HSD17B4: variants seen among roughly 807,000 people sequenced by gnomAD.
HSD17B4 encodes the protein peroxisomal multifunctional enzyme type 2.
Under a neutral mutation model 101.0 loss-of-function variants are expected in HSD17B4, and 70 were observed. The observed-to-expected ratio is 0.69, with a 90% CI of 0.57 to 0.85. The LOEUF (loss-of-function observed/expected upper bound fraction) is 0.85, where lower values mean the gene tolerates loss of function less well. HSD17B4 is among the 40% of genes least tolerant of loss of function. The pLI is 0.00. For synonymous variants in HSD17B4, 347 were observed against 297.1 expected (o/e 1.17, Z -1.73); for missense variants, 984 against 892.4 (o/e 1.10, Z -1.31).
chr5:119,518,262 G>A (rs1388345292), intron 17 of HSD17B4, among the ~76,000 whole-genome samples: 11 of 151,962 alleles, frequency 7.2e-5, no homozygotes, highest in Non-Finnish European at 5.9e-5. Context: ...TGCCTTAAGA[G>A]CTGTAACACT....
chr5:119,499,021 G>T (rs948240241), intron 12 of HSD17B4, among the ~76,000 whole-genome samples: 4 of 151,954 alleles, frequency 2.6e-5, no homozygotes, highest in Non-Finnish European at 5.9e-5. Flanking sequence ...ATTATTTTTT[G>T]GATTTTTGGG....
intron 16 of HSD17B4, among the ~76,000 whole-genome samples, chr5:119,512,547 T>C (rs1752270654): frequency 1.3e-5 from 2 of 151,846 alleles, no homozygotes; most frequent in Non-Finnish European, 2.9e-5. Flanking sequence ...GGCTAATGTA[T>C]TCAGAGTGCT....
chr5:119,506,705 T>C, intron 14 of HSD17B4, 113 bp from the exon 15 acceptor site: 1 of 623,234 alleles, frequency 1.6e-6, no homozygotes, highest in Non-Finnish European at 2.9e-6. Flanking sequence ...TTTCAAACCA[T>C]AGTTTTTTAG....
chr5:119,485,348 G>C (rs1354638581), intron 8 of HSD17B4, among the ~76,000 whole-genome samples: 1 of 152,144 alleles, frequency 6.6e-6, no homozygotes, highest in East Asian at 1.9e-4. Context: ...TTAGGTAAAT[G>C]TTTAATCCTT....
At chr5:119,539,674 T>G (rs1186471873) in intron 23 of HSD17B4, among the ~76,000 whole-genome samples, 2 of 151,918 alleles carry the variant, frequency 1.3e-5, no homozygotes, top group East Asian at 3.9e-4. Flanking sequence ...AGAAAAAAAT[T>G]TTTCCCAGTA....
At chr5:119,502,266 C>T (rs1751240512) in intron 14 of HSD17B4, among the ~76,000 whole-genome samples, 174 bp downstream of exon 14, 1 of 152,100 alleles carries the variant, frequency 6.6e-6, no homozygotes. Context: ...CTGTTTTGGT[C>T]ACCTTAAGCT....
Position 119,489,174 on chromosome 5 carries a change from G to A in HSD17B4, c.623-18G>A, listed in dbSNP as rs770493447. ...AAGTAAAATGATTGATAAGATATGT[G>A]TATATTCTTTATTTCAGATCTTGTG... On this transcript the variant is annotated intron_variant, in intron 8 of 23. Transcript: ENST00000510025. The A allele has an allele frequency of 4.8e-6, 7 of 1,461,554 alleles. No individual in the cohort carries two copies. Among genetic ancestry groups the A allele is most frequent in the African/African-American group, 1.4e-5 (1 of 71,768 alleles). 90.5% of individuals were successfully genotyped at this position (1,461,554 alleles called of 1,614,324 possible).
At chr5:119,535,013 A>AT (rs1348527685) in intron 22 of HSD17B4, among the ~76,000 whole-genome samples, 8 of 152,212 alleles carry the variant, frequency 5.3e-5, no homozygotes, top group Admixed American at 3.9e-4. Flanking sequence ...AGTTGCAAAA[A>AT]TACTAGAGAA....
chr5:119,518,825 G>C (rs1295052195), intron 17 of HSD17B4, among the ~76,000 whole-genome samples: 2 of 152,124 alleles, frequency 1.3e-5, no homozygotes, highest in Admixed American at 1.3e-4. Flanking sequence ...CTTCAGGAGA[G>C]TTTCTTCATC....
intron 12 of HSD17B4, among the ~76,000 whole-genome samples, chr5:119,496,897 G>A (rs1750697787): frequency 1.3e-5 from 2 of 152,218 alleles, no homozygotes; most frequent in African/African-American, 4.8e-5. Context: ...GGACAGTTGA[G>A]CCACATGAAG....
At chr5:119,461,475 C>T (rs546845449) in intron 2 of HSD17B4, among the ~76,000 whole-genome samples, 2 of 152,282 alleles carry the variant, frequency 1.3e-5, no homozygotes, top group African/African-American at 2.4e-5. Context: ...TTCTCACAAA[C>T]ACGTGGTTCT....
At chr5:119,454,124 T>C (rs1421288211) in intron 1 of HSD17B4, among the ~76,000 whole-genome samples, 10 of 152,196 alleles carry the variant, frequency 6.6e-5, no homozygotes, top group Admixed American at 2.0e-4. Context: ...GTTCATGATA[T>C]AGTGTGTAGT....
At chr5:119,453,040 G>T (rs1213243626) in intron 1 of HSD17B4, among the ~76,000 whole-genome samples, 1 of 152,224 alleles carries the variant, frequency 6.6e-6, no homozygotes, top group Non-Finnish European at 1.5e-5. Flanking sequence ...GCTGGAATTC[G>T]CCCCCTGAAG....
chr5:119,490,501 G>A (rs1357732759), intron 9 of HSD17B4, among the ~76,000 whole-genome samples: 3 of 152,102 alleles, frequency 2.0e-5, no homozygotes, highest in Non-Finnish European at 4.4e-5. Context: ...ACTATCCAGA[G>A]AGAACTAGTA....
intron 1 of HSD17B4, among the ~76,000 whole-genome samples, chr5:119,454,847 C>G (rs1442514644): frequency 6.6e-6 from 1 of 152,074 alleles, no homozygotes; most frequent in Non-Finnish European, 1.5e-5. Context: ...GTCTTGAACT[C>G]CAGACCTCAA....
intron 22 of HSD17B4, chr5:119,536,150 T>C (rs1754514272): frequency 2.5e-6 from 1 of 405,990 alleles, no homozygotes; most frequent in African/African-American, 2.0e-5. Flanking sequence ...GTCTATAAAC[T>C]CAAGGTGATG....
Position 119,508,799 on chromosome 5 carries a change from G to T in HSD17B4, c.1334-342G>T, listed in dbSNP as rs188252910. ...CAGAATGTTTGAAAGTTCGAGTGTG[G>T]TTACCTGTACTTTCTAGTGGGATTA... On this transcript the variant is annotated intron_variant, in intron 15 of 23. Transcript: ENST00000510025. 1.8e-3 allele frequency among the ~76,000 whole-genome samples: 271 copies of T among 152,294 alleles called. 6 individuals are homozygous for T. In the South Asian group the frequency reaches 0.049, roughly 27 times the overall value.
At chr5:119,527,371 A>G (rs1220662386) in intron 20 of HSD17B4, 152 bp downstream of exon 20, 12 of 609,344 alleles carry the variant, frequency 2.0e-5, no homozygotes, top group Non-Finnish European at 3.0e-5. Flanking sequence ...GGTGTTTTCA[A>G]AATTTTTATT....
At chr5:119,452,889 G>A in intron 1 of HSD17B4, 2 of 1,527,480 alleles carry the variant, frequency 1.3e-6, no homozygotes, top group Non-Finnish European at 1.8e-6. Context: ...GGAGAGGCCA[G>A]GCTGGGCTGC....
Sources: gnomAD v4.1 joint callset for allele counts (sites outside exome capture counted in the v4.1 genomes callset) on GRCh38, gnomAD v4.1.1 for gene constraint, MANE v1.5 for transcripts, NCBI Gene and HGNC (gene_info 2026-07-23, HGNC 2026-07-21) for gene names.